SESTD1: variants seen among roughly 807,000 people sequenced by gnomAD.
SESTD1 encodes the protein SEC14 and spectrin domain containing 1.
SESTD1 carries 43 observed loss-of-function variants against 101.7 expected under a neutral mutation model. The observed-to-expected ratio is 0.42, with a 90% CI of 0.33 to 0.55. The LOEUF (loss-of-function observed/expected upper bound fraction) is 0.55, where lower values mean the gene tolerates loss of function less well. Among genes scored for constraint, SESTD1 ranks in the 20% least tolerant of loss-of-function variants. The pLI, the probability that SESTD1 is intolerant of heterozygous loss-of-function variation, is 0.07. For synonymous variants in SESTD1, 283 were observed against 286.8 expected, an observed-to-expected ratio of 0.99 and a Z score of 0.13; for missense variants, 647 against 815.1, an observed-to-expected ratio of 0.79 and a Z score of 2.51.
At chr2:179,167,126 T>C (rs1211214110) in intron 5 of SESTD1, among the ~76,000 whole-genome samples, 1 of 152,160 alleles carries the variant, frequency 6.6e-6, no homozygotes, top group Non-Finnish European at 1.5e-5. Context: ...AAATTTAAGA[T>C]ACTGATGCTA....
chr2:179,256,980 AG>A (rs1559165234), intron 1 of SESTD1, among the ~76,000 whole-genome samples: 2 of 152,060 alleles, frequency 1.3e-5, no homozygotes, highest in East Asian at 3.9e-4. Context: ...AAGCAGTGGC[AG>A]GGTTTGAGAG....
intron 2 of SESTD1, among the ~76,000 whole-genome samples, chr2:179,188,368 G>A (rs144733113): frequency 2.6e-5 from 4 of 152,282 alleles, no homozygotes; most frequent in Non-Finnish European, 5.9e-5. Context: ...TCAAAAAATT[G>A]TTTTGAGATA....
At position 179,103,569 on chromosome 2, in the gene SESTD1, CTG is replaced by C. The variant is rs1427222440; in HGVS notation, c.*6328_*6329del. On this transcript the variant is annotated 3_prime_UTR_variant, in exon 18 of 18. Transcript: ENST00000428443. ...AATAATAGGAAATTAAGAAAACAAA[CTG>C]TAATATTGTCATACAGTGGAATACT... 2.6e-5 allele frequency: 4 copies of C among 152,154 alleles called. No individual in the cohort carries two copies. Among genetic ancestry groups the C allele is most frequent in the African/African-American group, 7.2e-5 (3 of 41,522 alleles). 9.4% of individuals were successfully genotyped at this position (152,154 alleles called of 1,614,324 possible).
intron 1 of SESTD1, among the ~76,000 whole-genome samples, chr2:179,233,840 G>A (rs1240179989): frequency 6.6e-6 from 1 of 152,184 alleles, no homozygotes; most frequent in Non-Finnish European, 1.5e-5. Context: ...ATGTGTGCAT[G>A]TGTGTATGTG....
chr2:179,249,198 A>AAAGGC (rs2047277659), intron 1 of SESTD1, among the ~76,000 whole-genome samples: 1 of 147,594 alleles, frequency 6.8e-6, no homozygotes, highest in South Asian at 2.2e-4. Context: ...AAAGGAAATA[A>AAAGGC]AAGGCATACA....
intron 5 of SESTD1, among the ~76,000 whole-genome samples, chr2:179,168,726 T>A (rs1056818135): frequency 1.3e-5 from 2 of 152,196 alleles, no homozygotes; most frequent in Non-Finnish European, 1.5e-5. Context: ...AGAAATGGCA[T>A]AAATGAAAGT....
intron 5 of SESTD1, among the ~76,000 whole-genome samples, chr2:179,154,078 T>TAC (rs2045579213): frequency 2.0e-5 from 1 of 49,432 alleles, no homozygotes; most frequent in African/African-American, 1.6e-4. Context: ...ACCCAATCTC[T>TAC]ACAAAAAAAA....
rs527421608 is a variant in SESTD1 at position 179,250,387 on chromosome 2, A to G, written c.-26+14112T>C. On this transcript the variant is annotated intron_variant, in intron 1 of 17. Transcript: ENST00000428443. ...CAGTGAAGAACCAAATTGCAAAAAC[A>G]CTGGATCACTCATTGTATTATTCTC... Among the ~76,000 whole-genome samples the G allele has an allele frequency of 2.2e-4, 33 of 152,338 alleles. 1 individual carries two copies. The South Asian group carries it at 2.9e-3, about 13-fold the overall frequency.
At chr2:179,225,425 A>C (rs2046871398) in intron 1 of SESTD1, among the ~76,000 whole-genome samples, 1 of 152,150 alleles carries the variant, frequency 6.6e-6, no homozygotes, top group Non-Finnish European at 1.5e-5. Context: ...ATTTTTTTAA[A>C]GATATGACAT....
chr2:179,126,866 A>G (rs1381154517), intron 10 of SESTD1, among the ~76,000 whole-genome samples: 1 of 152,104 alleles, frequency 6.6e-6, no homozygotes, highest in East Asian at 1.9e-4. Flanking sequence ...TTCTTTCATC[A>G]GCAAGTCTTG....
intron 2 of SESTD1, among the ~76,000 whole-genome samples, chr2:179,185,688 T>C (rs1371155722): frequency 7.2e-5 from 9 of 124,902 alleles, no homozygotes; most frequent in Non-Finnish European, 1.4e-4. Flanking sequence ...ATATTATATA[T>C]AATATAGTAT....
intron 2 of SESTD1, among the ~76,000 whole-genome samples, chr2:179,183,984 CTGAGT>C (rs1410252543): frequency 6.6e-6 from 1 of 151,992 alleles, no homozygotes; most frequent in Non-Finnish European, 1.5e-5. Flanking sequence ...GAGGAATGAT[CTGAGT>C]TAACTCACAA....
rs1266113693 is a variant in SESTD1 at position 179,215,052 on chromosome 2, G to A, written c.-25-23186C>T. Among the ~76,000 whole-genome samples the A allele has an allele frequency of 8.2e-5, 11 of 133,950 alleles. 4 individuals are homozygous for A. The highest frequency in any genetic ancestry group is 3.3e-4 in the African/African-American group (11 of 33,696). The allele number at this position is 133,950 out of a possible 152,430, so 87.9% of individuals were successfully genotyped here. ...GAGAAAGCAGGAAAGATCCAAAATCGACACCCTAACATCACAATTAAAAGA... is the reference window on the plus strand; with the variant it reads ...GAGAAAGCAGGAAAGATCCAAAATCAACACCCTAACATCACAATTAAAAGA... On this transcript the variant is annotated intron_variant, in intron 1 of 17. Transcript: ENST00000428443.
At chr2:179,166,055 G>GA (rs2045828866) in intron 5 of SESTD1, among the ~76,000 whole-genome samples, 2 of 152,110 alleles carry the variant, frequency 1.3e-5, no homozygotes, top group African/African-American at 4.8e-5. Context: ...GCTTACCTGG[G>GA]AAAAATGCCA....
At chr2:179,218,312 T>C (rs1320978373) in intron 1 of SESTD1, among the ~76,000 whole-genome samples, 3 of 151,938 alleles carry the variant, frequency 2.0e-5, no homozygotes, top group African/African-American at 7.3e-5. Flanking sequence ...AAAAAACTTG[T>C]CTTGTAAAGC....
chr2:179,236,323 TAAAAAAAA>T (rs552456681), intron 1 of SESTD1, among the ~76,000 whole-genome samples: 17 of 66,730 alleles, frequency 2.5e-4, no homozygotes, highest in Middle Eastern at 0.011. Context: ...CCTCATCTCT[TAAAAAAAA>T]AAAAAAAAAA....
rs942662868 is a variant in SESTD1 at position 179,105,007 on chromosome 2, T to C, written c.*4892A>G. 3.3e-5 allele frequency: 5 copies of C among 152,104 alleles called. No homozygotes were observed. The highest frequency in any genetic ancestry group is 1.2e-4 in the African/African-American group (5 of 41,428). The allele number at this position is 152,104 out of a possible 1,614,324, so 9.4% of individuals were successfully genotyped here. ...TCATACCCATGAACTTTTTTCAGTC[T>C]TAAAGACTCCCCTGTATTTATGCCA... On this transcript the variant is annotated 3_prime_UTR_variant, in exon 18 of 18. Coordinates refer to ENST00000428443, the MANE Select transcript of SESTD1 (RefSeq NM_178123.5).
At chr2:179,229,774 T>TATAC (rs1324308376) in intron 1 of SESTD1, among the ~76,000 whole-genome samples, 12 of 115,034 alleles carry the variant, frequency 1.0e-4, no homozygotes, top group South Asian at 1.0e-3. Context: ...TATATATATA[T>TATAC]ACTCAAATAC....
intron 1 of SESTD1, among the ~76,000 whole-genome samples, chr2:179,239,828 A>G (rs1392892353): frequency 2.0e-5 from 3 of 152,262 alleles, no homozygotes; most frequent in Non-Finnish European, 2.9e-5. Flanking sequence ...AATACTCAAC[A>G]AAGAGTAGAT....
Sources: gnomAD v4.1 joint callset for allele counts (sites outside exome capture counted in the v4.1 genomes callset) on GRCh38, gnomAD v4.1.1 for gene constraint, MANE v1.5 for transcripts, NCBI Gene and HGNC (gene_info 2026-07-23, HGNC 2026-07-21) for gene names.